The following ZNF536 variants were observed in gnomAD, a reference collection of about 807,000 sequenced individuals.
The protein encoded by ZNF536 is zinc finger protein 536.
Under a neutral mutation model 84.5 loss-of-function variants are expected in ZNF536, and 13 were observed. The observed-to-expected ratio is 0.15, with a 90% CI of 0.10 to 0.24. ZNF536 has a LOEUF of 0.24. Among genes scored for constraint, ZNF536 ranks in the 10% least tolerant of loss-of-function variants. The pLI is 1.00. For missense variants in ZNF536, 1,536 were observed against 1,747.5 expected (o/e 0.88, Z 2.16); for synonymous variants, 811 against 742.5 (o/e 1.09, Z -1.50).
chr19:30,356,543 T>C (rs960267609), intron 3 of ZNF536, among the ~76,000 whole-genome samples: 6 of 152,226 alleles, frequency 3.9e-5, no homozygotes, highest in African/African-American at 1.4e-4. Context: ...TGATAAGCCA[T>C]GCACATGTCT....
chr19:30,225,986 G>T (rs941616594), upstream of ZNF536, among the ~76,000 whole-genome samples: 1 of 151,836 alleles, frequency 6.6e-6, no homozygotes, highest in Non-Finnish European at 1.5e-5. Flanking sequence ...GGCGGCTGCG[G>T]CCGGGCATCG....
rs73031132 is a variant in ZNF536 at position 30,635,069 on chromosome 19, T to G, written c.170-75688T>G. On this transcript the variant is annotated intron_variant, in intron 1 of 1. Transcript: ENST00000592773. The stretch of plus-strand genomic sequence containing the variant: ...CAGGCTGGGAGAGAAGAAAGCTGGG[T>G]GTGTGTGTGTGTGTGTGTGTGTATG... Among the ~76,000 whole-genome samples, 505 of 89,204 alleles carry G rather than the reference T, an allele frequency of 5.7e-3. 2 individuals are homozygous for G. The highest frequency in any genetic ancestry group is 0.013 in the South Asian group (33 of 2,606). The allele number at this position is 89,204 out of a possible 152,430, so 58.5% of individuals were successfully genotyped here.
At chr19:30,404,955 G>A (rs2050206317) in intron 1 of ZNF536, among the ~76,000 whole-genome samples, 2 of 152,172 alleles carry the variant, frequency 1.3e-5, no homozygotes, top group South Asian at 2.1e-4. Flanking sequence ...ATTTGCCGGA[G>A]CAGCTCATGG....
At chr19:30,360,573 C>T (rs926832370) in intron 3 of ZNF536, among the ~76,000 whole-genome samples, 69 of 152,248 alleles carry the variant, frequency 4.5e-4, no homozygotes, top group African/African-American at 1.6e-3. Context: ...TAATGAAACA[C>T]GATCAGTATT....
intron 1 of ZNF536, among the ~76,000 whole-genome samples, chr19:30,418,326 C>A (rs1310886809): frequency 1.3e-5 from 2 of 152,196 alleles, no homozygotes; most frequent in Non-Finnish European, 2.9e-5. Context: ...CTGGAGAAGG[C>A]AGCCTTTCAC....
chr19:30,323,359 G>T (rs778480058), intron 2 of ZNF536, among the ~76,000 whole-genome samples: 1 of 152,056 alleles, frequency 6.6e-6, no homozygotes, highest in Non-Finnish European at 1.5e-5. Flanking sequence ...CCAGTCCAGC[G>T]ACATCTCCTA....
chr19:30,677,132 C>T (rs536629411), intron 1 of ZNF536, among the ~76,000 whole-genome samples: 1 of 152,294 alleles, frequency 6.6e-6, no homozygotes, highest in South Asian at 2.1e-4. Context: ...TTAATGTATA[C>T]CTTGGCTCAT....
At chr19:30,262,828 T>A (rs2025298378) in intron 1 of ZNF536, among the ~76,000 whole-genome samples, 1 of 152,170 alleles carries the variant, frequency 6.6e-6, no homozygotes, top group Admixed American at 6.5e-5. Flanking sequence ...GGGGGCTGGT[T>A]TCCTCAATAT....
At chr19:30,695,870 C>T (rs16964548) in intron 1 of ZNF536, among the ~76,000 whole-genome samples, 43,114 of 151,934 alleles carry the variant, frequency 0.28, 6,742 homozygotes, top group East Asian at 0.44. Flanking sequence ...TCCGTGCATC[C>T]TTACAGCCCA....
intron 1 of ZNF536, among the ~76,000 whole-genome samples, chr19:30,645,064 C>A (rs2049412097): frequency 6.6e-6 from 1 of 152,208 alleles, no homozygotes; most frequent in African/African-American, 2.4e-5. Context: ...GTCGTTCTAA[C>A]TGGTGTGAGA....
chr19:30,390,939 CA>C (rs1370733683), intron 1 of ZNF536, among the ~76,000 whole-genome samples: 1 of 152,220 alleles, frequency 6.6e-6, no homozygotes, highest in Non-Finnish European at 1.5e-5. Context: ...ATCTTCTCAA[CA>C]CAGCACTTTA....
intron 1 of ZNF536, among the ~76,000 whole-genome samples, chr19:30,385,029 A>C (rs1292575762): frequency 2.0e-5 from 3 of 152,032 alleles, no homozygotes; most frequent in Non-Finnish European, 2.9e-5. Context: ...CTAAAACAAA[A>C]AAAAAAGCAA....
chr19:30,667,276 G>T (rs1394722202), intron 1 of ZNF536, among the ~76,000 whole-genome samples: 1 of 152,194 alleles, frequency 6.6e-6, no homozygotes, highest in Non-Finnish European at 1.5e-5. Flanking sequence ...GGAAACTGAG[G>T]CTCAGAGGAG....
intron 1 of ZNF536, among the ~76,000 whole-genome samples, chr19:30,423,635 G>A (rs1028678392): frequency 3.3e-5 from 5 of 152,216 alleles, no homozygotes; most frequent in Admixed American, 6.5e-5. Context: ...CCAGGCCTTC[G>A]CCAGCTGGGC....
chr19:30,597,545 G>T (rs1449062597), intron 1 of ZNF536, among the ~76,000 whole-genome samples: 1 of 152,122 alleles, frequency 6.6e-6, no homozygotes, highest in Non-Finnish European at 1.5e-5. Flanking sequence ...GGCATAGTAG[G>T]GTTATAATTA....
chr19:30,533,790 C>G (rs963800706), intron 2 of ZNF536, among the ~76,000 whole-genome samples: 11 of 152,150 alleles, frequency 7.2e-5, no homozygotes, highest in Admixed American at 3.3e-4. Flanking sequence ...TGAGGATCAC[C>G]CCGCTATCCT....
intron 2 of ZNF536, among the ~76,000 whole-genome samples, chr19:30,298,100 G>A (rs1414819040): frequency 6.6e-6 from 1 of 152,046 alleles, no homozygotes; most frequent in Non-Finnish European, 1.5e-5. Context: ...GGCTGGTCTC[G>A]AACTCCTGGC....
At chr19:30,296,650 CAGGG>C (rs2046006038) in intron 2 of ZNF536, among the ~76,000 whole-genome samples, 1 of 152,196 alleles carries the variant, frequency 6.6e-6, no homozygotes, top group East Asian at 1.9e-4. Flanking sequence ...TCTCTACCCC[CAGGG>C]AGCCTAAAAT....
intron 1 of ZNF536, among the ~76,000 whole-genome samples, chr19:30,240,060 A>G (rs1276929192): frequency 6.6e-6 from 1 of 152,092 alleles, no homozygotes; most frequent in Non-Finnish European, 1.5e-5. Context: ...AGGTGTCGAC[A>G]TTGGTTGTGT....
Sources: allele counts gnomAD v4.1 joint callset (sites outside exome capture counted in the v4.1 genomes callset), GRCh38; gene constraint gnomAD v4.1.1; transcripts MANE v1.5; gene names NCBI Gene and HGNC (gene_info 2026-07-23, HGNC 2026-07-21).